RUNX1: variants seen among roughly 807,000 people sequenced by gnomAD.
RUNX1 encodes the protein runt-related transcription factor 1.
In RUNX1, 19 loss-of-function variants were observed where a neutral mutation model predicts 42.8. The ratio of observed to expected loss-of-function variants is 0.44; its 90% CI spans 0.31 to 0.65. The LOEUF (loss-of-function observed/expected upper bound fraction) is 0.65. Ranked by LOEUF, RUNX1 falls within the 30% of genes least tolerant of loss-of-function variation. The pLI is 0.07. For synonymous variants in RUNX1, 271 were observed against 289.4 expected, an observed-to-expected ratio of 0.94 and a Z score of 0.64; for missense variants, 528 against 672.0, an observed-to-expected ratio of 0.79 and a Z score of 2.37.
chr21:34,948,613 C>T (rs975434466), intron 2 of RUNX1, among the ~76,000 whole-genome samples: 1 of 152,160 alleles, frequency 6.6e-6, no homozygotes, highest in African/African-American at 2.4e-5. Flanking sequence ...CTACCCTTCC[C>T]TAATTTCCTA....
At chr21:34,940,591 G>C (rs1429962260) in intron 2 of RUNX1, among the ~76,000 whole-genome samples, 2 of 152,174 alleles carry the variant, frequency 1.3e-5, no homozygotes, top group Non-Finnish European at 2.9e-5. Context: ...TTCATCCTAT[G>C]TGCTTTATGC....
At chr21:35,033,126 T>TTCAC (rs770043342) in intron 2 of RUNX1, among the ~76,000 whole-genome samples, 14 of 152,042 alleles carry the variant, frequency 9.2e-5, no homozygotes, top group African/African-American at 3.4e-4. Context: ...TGCTGGCTCA[T>TTCAC]TCATTCATTC....
intron 2 of RUNX1, among the ~76,000 whole-genome samples, chr21:35,014,876 C>T (rs187988324): frequency 6.6e-6 from 1 of 152,232 alleles, no homozygotes; most frequent in Non-Finnish European, 1.5e-5. Flanking sequence ...GTTCGTCTCC[C>T]TTGGCAGCAC....
chr21:35,010,616 C>T (rs1431638472), intron 2 of RUNX1, among the ~76,000 whole-genome samples: 1 of 146,976 alleles, frequency 6.8e-6, no homozygotes, highest in East Asian at 1.9e-4. Flanking sequence ...ACCGTGAGTA[C>T]ACACACACGC....
At position 34,925,021 on chromosome 21, in the gene RUNX1, A is replaced by G. The variant is rs116349823; in HGVS notation, c.59-32058T>C. Reference sequence around the variant, plus strand: ...AGGCCCCACCTCCTAATACCATCACATGGGGTGTTAGGGCTTCAACATATG... The same window carrying G: ...AGGCCCCACCTCCTAATACCATCACGTGGGGTGTTAGGGCTTCAACATATG... On this transcript the variant is annotated intron_variant, in intron 2 of 8. Transcript: ENST00000675419. Among the ~76,000 whole-genome samples the G allele has an allele frequency of 4.0e-3, 603 of 151,352 alleles. 5 individuals carry two copies. The highest frequency in any genetic ancestry group is 0.014 in the African/African-American group (552 of 40,688).
At chr21:34,853,976 C>A (rs1432159609) in intron 6 of RUNX1, among the ~76,000 whole-genome samples, 1 of 152,048 alleles carries the variant, frequency 6.6e-6, no homozygotes, top group African/African-American at 2.4e-5. Flanking sequence ...CCACACCAGG[C>A]CGATTTTTGT....
In RUNX1 at chr21:34,923,746, T is replaced by C. The variant is rs1674388416; in HGVS notation, c.59-30783A>G. ...TTCTTTCCCAACACTGCAACTCTGT[T>C]GATTTTACCACCTCCCCATCCTCTG... On this transcript the variant is annotated intron_variant, in intron 2 of 8. Coordinates refer to ENST00000675419, the MANE Select transcript of RUNX1 (RefSeq NM_001754.5). Among the ~76,000 whole-genome samples the C allele has an allele frequency of 1.8e-5, 2 of 113,598 alleles. 1 individual carries two copies. The highest frequency in any genetic ancestry group is 9.1e-5 in the African/African-American group (2 of 21,860). The allele number at this position is 113,598 out of a possible 152,430, so 74.5% of individuals were successfully genotyped here. A position where few individuals can be genotyped will look rare whatever the true frequency, so the allele number is the denominator to read the frequency against.
chr21:34,857,390 C>G (rs1485642200), intron 6 of RUNX1, among the ~76,000 whole-genome samples: 1 of 152,182 alleles, frequency 6.6e-6, no homozygotes, highest in African/African-American at 2.4e-5. Flanking sequence ...AAGTCAGAGT[C>G]GCCACCATTT....
intron 6 of RUNX1, among the ~76,000 whole-genome samples, chr21:34,847,503 CTAATTA>C (rs1358063891): frequency 3.9e-5 from 6 of 151,946 alleles, no homozygotes; most frequent in Admixed American, 6.6e-5. Flanking sequence ...TTTTAATTAT[CTAATTA>C]TATTTATATT....
Position 34,788,155 on chromosome 21 carries a change from C to T in RUNX1, c.*3980G>A. The T allele has an allele frequency of 4.3e-6, 1 of 233,386 alleles. No individual in the cohort carries two copies. Among genetic ancestry groups the T allele is most frequent in the Non-Finnish European group, 8.5e-6 (1 of 118,040 alleles). The allele number at this position is 233,386 out of a possible 1,614,324, so 14.5% of individuals were successfully genotyped here. ...ACGTTTGTACCAGGGAGAAAGAAGCCCACGCACGAATTTTCAGGATGTTTT... is the reference window on the plus strand; with the variant it reads ...ACGTTTGTACCAGGGAGAAAGAAGCTCACGCACGAATTTTCAGGATGTTTT... On this transcript the variant is annotated 3_prime_UTR_variant, in exon 9 of 9. Coordinates refer to ENST00000675419, the MANE Select transcript of RUNX1 (RefSeq NM_001754.5).
intron 2 of RUNX1, among the ~76,000 whole-genome samples, chr21:34,904,530 T>C (rs2058202514): frequency 6.6e-6 from 1 of 152,156 alleles, no homozygotes; most frequent in Non-Finnish European, 1.5e-5. Flanking sequence ...TTACCACAAA[T>C]GAGCCCAAAA....
chr21:35,025,717 G>C (rs984877503), intron 2 of RUNX1, among the ~76,000 whole-genome samples: 1 of 152,166 alleles, frequency 6.6e-6, no homozygotes, highest in African/African-American at 2.4e-5. Flanking sequence ...AGGAAGAAAA[G>C]CTCATAGGAA....
At chr21:35,006,831 C>A (rs1014797072) in intron 2 of RUNX1, among the ~76,000 whole-genome samples, 1 of 152,170 alleles carries the variant, frequency 6.6e-6, no homozygotes, top group Admixed American at 6.5e-5. Context: ...CTCTACCAGG[C>A]AAAACGTGCT....
intron 2 of RUNX1, among the ~76,000 whole-genome samples, chr21:35,001,230 C>A (rs1483928634): frequency 6.6e-6 from 1 of 150,840 alleles, no homozygotes. Flanking sequence ...AGATATAATT[C>A]ACATATCATA....
At chr21:34,989,937 C>T (rs1380518668) in intron 2 of RUNX1, among the ~76,000 whole-genome samples, 3 of 152,192 alleles carry the variant, frequency 2.0e-5, no homozygotes, top group Non-Finnish European at 4.4e-5. Flanking sequence ...TTTAACCTCA[C>T]TCCTCATGGG....
rs199759556 is a variant in RUNX1, at chr21:34,834,567, G to A, written c.648C>T (p.Pro216=). 1.1e-4 allele frequency: 182 copies of A among 1,612,526 alleles called. No individual in the cohort carries two copies. The highest frequency in any genetic ancestry group is 9.7e-4 in the Middle Eastern group (5 of 5,144). The change falls in exon 7 of 9, where the codon CCC becomes CCT. Residue 216 remains proline, a synonymous_variant. Transcript: ENST00000675419. The part of the protein sequence containing the change: ...HRQKLDDQTK[P]GSLSFSERLS... ...GCCGCTCGGAAAAGGACAAGCTCCC[G>A]GGCTTGGTCTGATCATCTAGTTTCT...
chr21:34,841,888 T>C (rs1372559946), intron 6 of RUNX1, among the ~76,000 whole-genome samples: 1 of 152,240 alleles, frequency 6.6e-6, no homozygotes, highest in East Asian at 1.9e-4. Flanking sequence ...ATCCAGGGTC[T>C]GTCTGCACCC....
chr21:34,800,653 C>G (rs2145914351), intron 7 of RUNX1, among the ~76,000 whole-genome samples: 1 of 152,294 alleles, frequency 6.6e-6, no homozygotes, highest in East Asian at 1.9e-4. Flanking sequence ...TCCAGCAGTT[C>G]AAGTTTGCCT....
In RUNX1 at chr21:34,958,527, G is replaced by C. The variant is rs375230790; in HGVS notation, c.59-65564C>G. 3.3e-5 allele frequency among the ~76,000 whole-genome samples: 5 copies of C among 152,278 alleles called. No individual in the cohort carries two copies. In the East Asian group the frequency reaches 7.7e-4, roughly 23 times the overall value. On this transcript the variant is annotated intron_variant, in intron 2 of 8. Transcript: ENST00000675419. ...ACCATCTCACACCAGTTAGAATGGC[G>C]ATCATTCAAAAGTCAGGAAACAACA...
Sources: gnomAD v4.1 joint callset for allele counts (sites outside exome capture counted in the v4.1 genomes callset) on GRCh38, gnomAD v4.1.1 for gene constraint, MANE v1.5 for transcripts, NCBI Gene and HGNC (gene_info 2026-07-23, HGNC 2026-07-21) for gene names.